Variants in DLG2 observed in about 807,000 individuals in gnomAD.
DLG2 encodes the protein disks large homolog 2.
DLG2 carries 45 observed loss-of-function variants against 132.5 expected under a neutral mutation model. That is an observed-to-expected ratio of 0.34 (90% CI 0.27 to 0.44). The LOEUF is 0.44. Among genes scored for constraint, DLG2 ranks in the 20% least tolerant of loss-of-function variants. The pLI is 1.00. For synonymous variants in DLG2, 424 were observed against 419.6 expected, an observed-to-expected ratio of 1.01 and a Z score of -0.13; for missense variants, 1,045 against 1,196.9, an observed-to-expected ratio of 0.87 and a Z score of 1.87.
intron 7 of DLG2, among the ~76,000 whole-genome samples, chr11:84,452,382 A>C (rs1286497350): frequency 6.6e-6 from 1 of 151,716 alleles, no homozygotes; most frequent in Non-Finnish European, 1.5e-5. Flanking sequence ...GCTATGAATG[A>C]GACAGGAAGC....
intron 18 of DLG2, among the ~76,000 whole-genome samples, chr11:83,742,352 T>A (rs147069673): frequency 6.6e-6 from 1 of 152,074 alleles, no homozygotes; most frequent in African/African-American, 2.4e-5. Flanking sequence ...TAAATATATA[T>A]AGTTTTTTTA....
At chr11:83,827,706 G>T (rs992122084) in intron 17 of DLG2, among the ~76,000 whole-genome samples, 1 of 151,834 alleles carries the variant, frequency 6.6e-6, no homozygotes, top group African/African-American at 2.4e-5. Flanking sequence ...CTTTCTAGGG[G>T]TATTGCTTCT....
chr11:83,886,874 G>C (rs2154081061), intron 15 of DLG2, among the ~76,000 whole-genome samples: 2 of 150,418 alleles, frequency 1.3e-5, no homozygotes, highest in South Asian at 4.2e-4. Flanking sequence ...AATGAAGGCA[G>C]AAATAAAGAT....
intron 6 of DLG2, among the ~76,000 whole-genome samples, chr11:84,627,022 C>T (rs972847394): frequency 6.6e-6 from 1 of 152,030 alleles, no homozygotes; most frequent in African/African-American, 2.4e-5. Flanking sequence ...CAGATGCCCG[C>T]CACCACGCCC....
chr11:84,584,270 G>C (rs2099523648), intron 6 of DLG2, among the ~76,000 whole-genome samples: 1 of 151,870 alleles, frequency 6.6e-6, no homozygotes, highest in African/African-American at 2.4e-5. Flanking sequence ...GTGAGGTCTG[G>C]CATTTTGTTA....
chr11:85,311,921 T>C (rs762031002), intron 3 of DLG2, among the ~76,000 whole-genome samples: 11 of 152,040 alleles, frequency 7.2e-5, no homozygotes, highest in Non-Finnish European at 1.2e-4. Context: ...AACCACAAAA[T>C]ACCAAATATC....
chr11:83,475,532 T>C (rs986721012), intron 22 of DLG2, among the ~76,000 whole-genome samples: 2 of 151,446 alleles, frequency 1.3e-5, no homozygotes, highest in African/African-American at 4.9e-5. Context: ...TTGCACTGTC[T>C]TGAAACAGTG....
intron 7 of DLG2, among the ~76,000 whole-genome samples, chr11:84,485,944 G>A (rs2099149641): frequency 6.6e-6 from 1 of 152,066 alleles, no homozygotes; most frequent in Non-Finnish European, 1.5e-5. Context: ...ACCACATTTT[G>A]TAGCTATACC....
chr11:83,694,723 C>T lies in DLG2; in HGVS notation c.1826-61398G>A, dbSNP rs147518554. On this transcript the variant is annotated intron_variant, in intron 18 of 27. Coordinates refer to ENST00000376104, the MANE Select transcript of DLG2 (RefSeq NM_001142699.3). Reference sequence around the variant, plus strand: ...GCGATTTTTGAACCCAAGGGACTCGCGTCATAAATAAATAAAACAAATGAA... The same window carrying T: ...GCGATTTTTGAACCCAAGGGACTCGTGTCATAAATAAATAAAACAAATGAA... Among the ~76,000 whole-genome samples, 155 of 140,364 alleles carry T rather than the reference C, an allele frequency of 1.1e-3. No homozygotes were observed. The East Asian group carries it at 0.013, about 12-fold the overall frequency. The allele number at this position is 140,364 out of a possible 152,430, so 92.1% of individuals were successfully genotyped here.
chr11:84,896,966 T>C (rs576538665), intron 6 of DLG2, among the ~76,000 whole-genome samples: 57 of 151,930 alleles, frequency 3.8e-4, no homozygotes, highest in Middle Eastern at 3.4e-3. Flanking sequence ...AGGACTACTG[T>C]ACATACAATT....
intron 4 of DLG2, among the ~76,000 whole-genome samples, chr11:85,282,353 G>T (rs1011858187): frequency 1.3e-5 from 2 of 151,842 alleles, no homozygotes; most frequent in African/African-American, 4.8e-5. Context: ...TTAAAAAGTG[G>T]AATTAGAATG....
At chr11:84,888,415 TGGACTCTA>T (rs1447801635) in intron 6 of DLG2, among the ~76,000 whole-genome samples, 2 of 152,100 alleles carry the variant, frequency 1.3e-5, no homozygotes, top group Non-Finnish European at 2.9e-5. Flanking sequence ...CTTGGTCCTT[TGGACTCTA>T]GGACTTAAAA....
chr11:84,888,047 T>C (rs2088637536), intron 6 of DLG2, among the ~76,000 whole-genome samples: 1 of 152,154 alleles, frequency 6.6e-6, no homozygotes, highest in Admixed American at 6.6e-5. Flanking sequence ...GGCCCTCTCA[T>C]TGATTCATAT....
intron 7 of DLG2, among the ~76,000 whole-genome samples, chr11:84,453,624 A>T (rs890518027): frequency 1.3e-5 from 2 of 151,720 alleles, no homozygotes; most frequent in Non-Finnish European, 3.0e-5. Flanking sequence ...TAAAATATGA[A>T]TCAAGTACTT....
intron 6 of DLG2, among the ~76,000 whole-genome samples, chr11:84,966,712 T>C (rs886410413): frequency 2.0e-5 from 3 of 152,134 alleles, no homozygotes; most frequent in Admixed American, 2.0e-4. Flanking sequence ...ACATGGTCTT[T>C]CCGAAGATTT....
intron 6 of DLG2, among the ~76,000 whole-genome samples, chr11:84,536,103 C>T (rs978358729): frequency 4.6e-5 from 7 of 152,108 alleles, no homozygotes; most frequent in African/African-American, 1.7e-4. Flanking sequence ...CTTTCTGGGG[C>T]AAGGTAGGCT....
intron 2 of DLG2, among the ~76,000 whole-genome samples, chr11:85,624,791 T>C (rs1325426956): frequency 6.6e-6 from 1 of 152,090 alleles, no homozygotes; most frequent in African/African-American, 2.4e-5. Context: ...TATAAACTGG[T>C]TTTTCTAATA....
At chr11:85,025,024 C>T (rs976646137) in intron 6 of DLG2, among the ~76,000 whole-genome samples, 5 of 152,180 alleles carry the variant, frequency 3.3e-5, no homozygotes, top group Non-Finnish European at 7.3e-5. Context: ...ACCATATTTA[C>T]GTCTGTGCAA....
intron 6 of DLG2, among the ~76,000 whole-genome samples, chr11:84,700,227 C>G (rs915824541): frequency 6.6e-6 from 1 of 151,302 alleles, no homozygotes; most frequent in African/African-American, 2.4e-5. Flanking sequence ...TAAATTATAG[C>G]ATCAAGAGAA....
Sources: gnomAD v4.1 joint callset for allele counts (sites outside exome capture counted in the v4.1 genomes callset) on GRCh38, gnomAD v4.1.1 for gene constraint, MANE v1.5 for transcripts, NCBI Gene and HGNC (gene_info 2026-07-23, HGNC 2026-07-21) for gene names.